The following KANK1 variants were observed in gnomAD, a reference collection of about 807,000 sequenced individuals.
KANK1 encodes KN motif and ankyrin repeat domain-containing protein 1.
In KANK1, 109 loss-of-function variants were observed where a neutral mutation model predicts 106.2. That is an observed-to-expected ratio of 1.03 (90% CI 0.88 to 1.20). The LOEUF (loss-of-function observed/expected upper bound fraction) is 1.20, where lower values mean the gene tolerates loss of function less well. Among genes scored for constraint, KANK1 ranks in the 50% most tolerant of loss-of-function variants. The probability of loss-of-function intolerance (pLI) is 0.00; values close to 1 mark genes in which losing one functional copy is unlikely to be tolerated. For missense variants in KANK1, 2,399 were observed against 1,710.7 expected (o/e 1.40, Z -7.10); for synonymous variants, 873 against 652.2 (o/e 1.34, Z -5.16).
intron 1 of KANK1, chr9:547,398 C>G (rs540533990): frequency 1.3e-5 from 2 of 152,162 alleles, no homozygotes. Flanking sequence ...TACCCCGCAA[C>G]GATGTGTAAA....
At chr9:707,022 C>T in intron 2 of KANK1, 8 of 985,454 alleles carry the variant, frequency 8.1e-6, no homozygotes, top group Non-Finnish European at 9.6e-6. Flanking sequence ...ACAGGGAATG[C>T]GGAACAGCTG....
chr9:740,375 G>A (rs183659773), intron 8 of KANK1, among the ~76,000 whole-genome samples: 43 of 152,196 alleles, frequency 2.8e-4, no homozygotes, highest in Admixed American at 1.6e-3. Context: ...CCTGTCCAAC[G>A]TTCCATACGT....
chr9:542,738 C>T lies in KANK1; in HGVS notation c.-84+37984C>T, dbSNP rs115947723. Reference sequence around the variant, plus strand: ...CTTCACCCTTACAAAAGAAGAAATCCTGTCATTTGCAGCAATATAGATGAA... The same window carrying T: ...CTTCACCCTTACAAAAGAAGAAATCTTGTCATTTGCAGCAATATAGATGAA... On this transcript the variant is annotated intron_variant, in intron 1 of 11. Transcript: ENST00000382297. Among the ~76,000 whole-genome samples the T allele has an allele frequency of 6.7e-3, 1,022 of 152,252 alleles. 18 individuals carry two copies. The highest frequency in any genetic ancestry group is 0.023 in the African/African-American group (968 of 41,524).
At chr9:646,654 A>G (rs1238086650) in intron 1 of KANK1, among the ~76,000 whole-genome samples, 1 of 150,218 alleles carries the variant, frequency 6.7e-6, no homozygotes. Context: ...TGGACAGTTT[A>G]TAGAGCAGTT....
At chr9:548,143 A>C (rs1464141690) in intron 1 of KANK1, among the ~76,000 whole-genome samples, 1 of 152,214 alleles carries the variant, frequency 6.6e-6, no homozygotes, top group African/African-American at 2.4e-5. Context: ...ATTCCTTAGG[A>C]TTTCTAGAGA....
chr9:616,282 G>A (rs1831807735), intron 1 of KANK1, among the ~76,000 whole-genome samples: 1 of 152,160 alleles, frequency 6.6e-6, no homozygotes, highest in Non-Finnish European at 1.5e-5. Flanking sequence ...TCACTTCAGT[G>A]AGTCCTCAGC....
At position 507,603 on chromosome 9, in the gene KANK1, C is replaced by T. The variant is rs2058822959; in HGVS notation, c.-84+2849C>T. 1.4e-5 allele frequency among the ~76,000 whole-genome samples: 2 copies of T among 145,850 alleles called. 1 individual carries two copies. Among genetic ancestry groups the T allele is most frequent in the South Asian group, 4.4e-4 (2 of 4,532 alleles). ...GATGGAGTCTCGATCTGTTGCCAGG[C>T]TGGAGTGCAGTGGCGCGATCTCAGC... On this transcript the variant is annotated intron_variant, in intron 1 of 11. Coordinates refer to ENST00000382297, the MANE Select transcript of KANK1 (RefSeq NM_015158.5).
intron 1 of KANK1, among the ~76,000 whole-genome samples, chr9:523,989 C>G (rs1024291170): frequency 6.6e-6 from 1 of 151,712 alleles, no homozygotes; most frequent in Non-Finnish European, 1.5e-5. Context: ...ACTGGAAACG[C>G]AGAAGACACT....
chr9:682,274 C>T (rs1300354217), intron 2 of KANK1, among the ~76,000 whole-genome samples: 3 of 148,124 alleles, frequency 2.0e-5, no homozygotes, highest in South Asian at 2.1e-4. Context: ...AGTGAGACTC[C>T]GTCTCAAAAA....
intron 1 of KANK1, among the ~76,000 whole-genome samples, chr9:632,247 A>G (rs537423381): frequency 1.3e-5 from 2 of 152,310 alleles, no homozygotes; most frequent in South Asian, 4.1e-4. Context: ...CTTGGCCAAA[A>G]ATATTACTAA....
At chr9:639,189 A>T (rs1588477801) in intron 1 of KANK1, among the ~76,000 whole-genome samples, 1 of 152,150 alleles carries the variant, frequency 6.6e-6, no homozygotes, top group Middle Eastern at 3.2e-3. Context: ...CTGGGATTAC[A>T]TTCCACCCTA....
Position 730,242 on chromosome 9 carries a change from C to T in KANK1, c.2890C>T (p.Leu964Phe). Reference protein sequence around the residue: ...NLTDDQIAAGLYACTNNESTL... With the variant: ...NLTDDQIAAGFYACTNNESTL... Reference sequence around the variant, plus strand: ...GACAGACGACCAGATCGCCGCTGGCCTCTATGGTAACTTTTCTCACTCACA... The same window carrying T: ...GACAGACGACCAGATCGCCGCTGGCTTCTATGGTAACTTTTCTCACTCACA... The change falls in exon 4 of 12, where the codon CTC (leucine) becomes TTC (phenylalanine). Residue 964 changes from leucine (L) to phenylalanine (F), a missense_variant. Leu to Phe is a conservative substitution (Grantham distance 22). Transcript: ENST00000382297. The T allele has an allele frequency of 6.2e-7, 1 of 1,614,192 alleles. No homozygotes were observed. Among genetic ancestry groups the T allele is most frequent in the Middle Eastern group, 1.6e-4 (1 of 6,062 alleles).
intron 3 of KANK1, among the ~76,000 whole-genome samples, chr9:473,678 A>C (rs942655573): frequency 1.3e-4 from 20 of 152,106 alleles, no homozygotes; most frequent in African/African-American, 4.8e-4. Flanking sequence ...TTCAGGAACT[A>C]TCTTGCACCC....
chr9:705,487 G>A (rs144780423), intron 2 of KANK1, among the ~76,000 whole-genome samples: 3,264 of 151,452 alleles, frequency 0.022, 89 homozygotes, highest in Admixed American at 0.063. Flanking sequence ...TATATATTCA[G>A]TTATTTATTC....
intron 2 of KANK1, among the ~76,000 whole-genome samples, chr9:690,804 A>G (rs1171985350): frequency 6.6e-6 from 1 of 152,188 alleles, no homozygotes; most frequent in Non-Finnish European, 1.5e-5. Context: ...TTCCAAAGCC[A>G]CCATCCCAGG....
chr9:713,889 T>C (rs917293464), intron 3 of KANK1, among the ~76,000 whole-genome samples: 1 of 152,290 alleles, frequency 6.6e-6, no homozygotes, highest in Non-Finnish European at 1.5e-5. Context: ...TGTTTTCAGT[T>C]AAAACGTTTA....
chr9:736,979 C>T (rs371124346), intron 7 of KANK1, among the ~76,000 whole-genome samples: 10 of 152,150 alleles, frequency 6.6e-5, no homozygotes, highest in Admixed American at 1.3e-4. Flanking sequence ...TCCAAATTGC[C>T]GAGCATGGTG....
chr9:613,715 G>A (rs956739048), intron 1 of KANK1, among the ~76,000 whole-genome samples: 2 of 151,966 alleles, frequency 1.3e-5, no homozygotes, highest in Admixed American at 6.6e-5. Flanking sequence ...TATTTCAAAT[G>A]AGATTAAAAA....
intron 1 of KANK1, chr9:660,223 T>C (rs535788642): frequency 1.7e-4 from 44 of 260,060 alleles, no homozygotes; most frequent in South Asian, 5.4e-4. Context: ...ATCCAGAATA[T>C]GGAGGTCATT....
Sources: gnomAD v4.1 joint callset for allele counts (sites outside exome capture counted in the v4.1 genomes callset) on GRCh38, gnomAD v4.1.1 for gene constraint, MANE v1.5 for transcripts, NCBI Gene and HGNC (gene_info 2026-07-23, HGNC 2026-07-21) for gene names.